RFX3: variants seen among roughly 807,000 people sequenced by gnomAD.
RFX3 encodes regulatory factor X3.
A neutral mutation model predicts 98.6 loss-of-function variants in RFX3; 14 were observed. The ratio of observed to expected loss-of-function variants is 0.14; its 90% CI spans 0.09 to 0.22. The LOEUF (loss-of-function observed/expected upper bound fraction) is 0.22, where lower values mean the gene tolerates loss of function less well. RFX3 is among the 10% of genes least tolerant of loss of function. The pLI, the probability that RFX3 is intolerant of heterozygous loss-of-function variation, is 1.00. For missense variants in RFX3, 639 were observed against 926.9 expected (o/e 0.69, Z 4.03); for synonymous variants, 383 against 328.4 (o/e 1.17, Z -1.80).
At chr9:3,418,162 G>C (rs7020911) in intron 1 of RFX3, among the ~76,000 whole-genome samples, 1 of 151,928 alleles carries the variant, frequency 6.6e-6, no homozygotes, top group Admixed American at 6.6e-5. Context: ...CATGATATTG[G>C]GCAAGTTACT....
intron 3 of RFX3, among the ~76,000 whole-genome samples, chr9:3,339,594 C>T (rs1243335671): frequency 1.3e-5 from 2 of 152,152 alleles, no homozygotes; most frequent in Non-Finnish European, 1.5e-5. Flanking sequence ...TTAATTCATT[C>T]AACAAATATA....
At position 3,421,685 on chromosome 9, in the gene RFX3, G is replaced by A. The variant is rs192971008; in HGVS notation, c.-8-26089C>T. Among the ~76,000 whole-genome samples, 41 of 152,184 alleles carry A rather than the reference G, an allele frequency of 2.7e-4. No individual in the cohort carries two copies. The East Asian group carries it at 7.9e-3, about 29-fold the overall frequency. ...TTACAGATGGACAAATCAAAGCATG[G>A]AGCTCGTTTATTGTCTTTGTAGGTA... On this transcript the variant is annotated intron_variant, in intron 1 of 16. Coordinates refer to ENST00000617270, the MANE Select transcript of RFX3 (RefSeq NM_001282116.2).
chr9:3,457,573 TA>T (rs1461878798), intron 1 of RFX3, among the ~76,000 whole-genome samples: 1 of 152,212 alleles, frequency 6.6e-6, no homozygotes, highest in Admixed American at 6.5e-5. Context: ...CTTTTATTAT[TA>T]TTTTTTTTCA....
In RFX3 at chr9:3,377,385, A is replaced by G. The variant is rs529039660; in HGVS notation, c.117+18087T>C. ...CGCATGTTCTCACTCATAGGTGGGA[A>G]TTGAACAATGAGAACACTTGGACAC... On this transcript the variant is annotated intron_variant, in intron 2 of 16. Coordinates refer to ENST00000617270, the MANE Select transcript of RFX3 (RefSeq NM_001282116.2). Among the ~76,000 whole-genome samples, 223 of 152,270 alleles carry G rather than the reference A, an allele frequency of 1.5e-3. 1 individual carries two copies. Among genetic ancestry groups the G allele is most frequent in the African/African-American group, 5.2e-3 (216 of 41,566 alleles).
Position 3,265,949 on chromosome 9 carries a change from T to C in RFX3, c.1455+259A>G, listed in dbSNP as rs565832604. 2.6e-5 allele frequency among the ~76,000 whole-genome samples: 4 copies of C among 152,216 alleles called. No homozygotes were observed. The South Asian group carries it at 8.3e-4, about 32-fold the overall frequency. On this transcript the variant is annotated intron_variant, in intron 12 of 16. Transcript: ENST00000617270. ...TAATTTAGAATATATATATCTACTA[T>C]ATTGTTTAGAAAGAGCTTATAAATG... is the stretch of plus-strand genomic sequence containing the variant.
chr9:3,262,071 ATCT>A (rs368486286), intron 13 of RFX3, among the ~76,000 whole-genome samples: 219 of 152,262 alleles, frequency 1.4e-3, no homozygotes, highest in African/African-American at 5.2e-3. Context: ...ATTTGCAAAA[ATCT>A]TCTCACATTC....
Position 3,222,786 on chromosome 9 carries a change from AG to A in RFX3, c.*2255del, listed in dbSNP as rs1447111499. 6.6e-6 allele frequency: 1 copy of A among 151,978 alleles called. No individual in the cohort carries two copies. The highest frequency in any genetic ancestry group is 2.4e-5 in the African/African-American group (1 of 41,392). The allele number at this position is 151,978 out of a possible 1,614,324, so 9.4% of individuals were successfully genotyped here. Reference sequence around the variant, plus strand: ...GGTACAAATCCATTGTCTTTTTGGGAGGAAAAAGGGGGACAGTAATTTAAAT... The same window carrying A: ...GGTACAAATCCATTGTCTTTTTGGGAGAAAAAGGGGGACAGTAATTTAAAT... On this transcript the variant is annotated 3_prime_UTR_variant, in exon 17 of 17. Transcript: ENST00000617270.
chr9:3,340,006 T>A (rs1456274683), intron 3 of RFX3, among the ~76,000 whole-genome samples: 1 of 152,010 alleles, frequency 6.6e-6, no homozygotes, highest in East Asian at 1.9e-4. Context: ...CAAACTATAC[T>A]ACAAGGCTAC....
At chr9:3,327,175 C>T (rs1832017430) in intron 4 of RFX3, among the ~76,000 whole-genome samples, 1 of 151,748 alleles carries the variant, frequency 6.6e-6, no homozygotes, top group African/African-American at 2.4e-5. Flanking sequence ...CAATTAAATC[C>T]CATTTAATGG....
chr9:3,516,727 T>C (rs1199164026), intron 1 of RFX3, among the ~76,000 whole-genome samples: 2 of 147,640 alleles, frequency 1.4e-5, no homozygotes, highest in African/African-American at 2.4e-5. Context: ...GCTTTCGCAC[T>C]CTCTCTCTCT....
rs142209115 is a variant in RFX3 at position 3,283,389 on chromosome 9, A to G, written c.851+4742T>C. On this transcript the variant is annotated intron_variant, in intron 7 of 16. Coordinates refer to ENST00000617270, the MANE Select transcript of RFX3 (RefSeq NM_001282116.2). ...TTCAAAACAATCTGTGAGATAGTCT[A>G]TTATGAATTTCTATTTTGCAGATGA... Among the ~76,000 whole-genome samples the G allele has an allele frequency of 4.1e-3, 616 of 151,906 alleles. 3 individuals carry two copies. The highest frequency in any genetic ancestry group is 0.014 in the African/African-American group (576 of 41,514).
chr9:3,371,064 CTAAT>C lies in RFX3; in HGVS notation c.118-24304_118-24301del, dbSNP rs57077924. Among the ~76,000 whole-genome samples the C allele has an allele frequency of 9.6e-3, 1,465 of 152,128 alleles. 30 individuals carry two copies. Among genetic ancestry groups the C allele is most frequent in the African/African-American group, 0.033 (1,366 of 41,506 alleles). ...AATTATTTAATATTTGCAGGAAAGA[CTAAT>C]TAGGAGTAAAGTCATTCAATTTATT... On this transcript the variant is annotated intron_variant, in intron 2 of 16. Transcript: ENST00000617270.
At chr9:3,397,212 C>A (rs1177758896) in intron 1 of RFX3, among the ~76,000 whole-genome samples, 3 of 152,170 alleles carry the variant, frequency 2.0e-5, no homozygotes, top group African/African-American at 4.8e-5. Flanking sequence ...CTTGACATCC[C>A]CTTTTACTAC....
rs568635699 is a variant in RFX3 at position 3,266,332 on chromosome 9, T to TA, written c.1358-28dup. 7.6e-3 allele frequency: 10,767 copies of TA among 1,410,272 alleles called. 52 individuals are homozygous for TA. The highest frequency in any genetic ancestry group is 9.2e-3 in the Non-Finnish European group (9,236 of 1,002,080). The allele number at this position is 1,410,272 out of a possible 1,614,324, so 87.4% of individuals were successfully genotyped here. ...TAAACATTAAAGAATAAAAGCAGGA[T>TA]AAAAAAAAGTATGAAAGAATATTAA... is the stretch of plus-strand genomic sequence containing the variant. On this transcript the variant is annotated intron_variant, in intron 11 of 16. Transcript: ENST00000617270.
At chr9:3,491,828 A>G (rs1001888020) in intron 1 of RFX3, among the ~76,000 whole-genome samples, 1 of 152,186 alleles carries the variant, frequency 6.6e-6, no homozygotes, top group African/African-American at 2.4e-5. Context: ...CTTCTTGTAT[A>G]TTATTCAATT....
chr9:3,513,163 A>G (rs1268230451), intron 1 of RFX3, among the ~76,000 whole-genome samples: 1 of 152,174 alleles, frequency 6.6e-6, no homozygotes, highest in Admixed American at 6.5e-5. Flanking sequence ...TTAAAGCTAA[A>G]AGACAAAATA....
chr9:3,428,672 C>T (rs1483016676), intron 1 of RFX3, among the ~76,000 whole-genome samples: 1 of 152,174 alleles, frequency 6.6e-6, no homozygotes, highest in Non-Finnish European at 1.5e-5. Context: ...CACTGCCACA[C>T]AACCAACAGA....
intron 2 of RFX3, among the ~76,000 whole-genome samples, chr9:3,361,748 G>A (rs1482811069): frequency 6.6e-6 from 1 of 150,652 alleles, no homozygotes; most frequent in African/African-American, 2.4e-5. Context: ...AGCAGTTTAA[G>A]ACCAGCCTAG....
At chr9:3,342,292 G>C (rs1481617237) in intron 3 of RFX3, among the ~76,000 whole-genome samples, 3 of 152,034 alleles carry the variant, frequency 2.0e-5, no homozygotes, top group Admixed American at 6.6e-5. Flanking sequence ...AGGAATTGAG[G>C]GTTCTCAAGA....
Sources: gnomAD v4.1 joint callset for allele counts (sites outside exome capture counted in the v4.1 genomes callset) on GRCh38, gnomAD v4.1.1 for gene constraint, MANE v1.5 for transcripts, NCBI Gene and HGNC (gene_info 2026-07-23, HGNC 2026-07-21) for gene names.